The following GPR149 variants were observed in gnomAD, a reference collection of about 807,000 sequenced individuals.
The protein encoded by GPR149 is probable G protein-coupled receptor 149.
Under a neutral mutation model 50.2 loss-of-function variants are expected in GPR149, and 50 were observed. That is an observed-to-expected ratio of 1.00 (90% CI 0.79 to 1.26). The LOEUF is 1.26. Among genes scored for constraint, GPR149 ranks in the 50% most tolerant of loss-of-function variants. The pLI, the probability that GPR149 is intolerant of heterozygous loss-of-function variation, is 0.00. For missense variants in GPR149, 983 were observed against 895.4 expected (o/e 1.10, Z -1.25); for synonymous variants, 405 against 358.2 (o/e 1.13, Z -1.48).
At chr3:154,411,280 G>A (rs2108423778) in intron 3 of GPR149, among the ~76,000 whole-genome samples, 1 of 152,126 alleles carries the variant, frequency 6.6e-6, no homozygotes, top group Middle Eastern at 3.4e-3. Context: ...CACACCTCAT[G>A]GAACTGGTGA....
chr3:154,399,701 T>C (rs1470389371), intron 3 of GPR149, among the ~76,000 whole-genome samples: 1 of 152,202 alleles, frequency 6.6e-6, no homozygotes, highest in Admixed American at 6.5e-5. Context: ...TGTTAGAAGT[T>C]GAAGGCATGG....
In GPR149 at chr3:154,349,054, T is replaced by TA. The variant is rs557753019; in HGVS notation, c.1624-10784dup. ...GTTAAAAAGGTAGTCTTGAGGGAAATAAAAAAAAAAGTGAATGAAAATGAA... is the reference window on the plus strand; with the variant it reads ...GTTAAAAAGGTAGTCTTGAGGGAAATAAAAAAAAAAAGTGAATGAAAATGAA... On this transcript the variant is annotated intron_variant, in intron 3 of 3. Coordinates refer to ENST00000389740, the MANE Select transcript of GPR149 (RefSeq NM_001038705.3). 8.1e-3 allele frequency among the ~76,000 whole-genome samples: 1,167 copies of TA among 144,246 alleles called. 5 individuals carry two copies. Among genetic ancestry groups the TA allele is most frequent in the Non-Finnish European group, 0.014 (922 of 65,274 alleles). The allele number at this position is 144,246 out of a possible 152,430, so 94.6% of individuals were successfully genotyped here. A position where few individuals can be genotyped will look rare whatever the true frequency, so the allele number is the denominator to read the frequency against.
At chr3:154,416,653 A>G (rs1036677008) in intron 3 of GPR149, among the ~76,000 whole-genome samples, 2 of 151,948 alleles carry the variant, frequency 1.3e-5, no homozygotes, top group African/African-American at 4.8e-5. Context: ...GAGAGCTAAA[A>G]CATTTTCCTT....
At chr3:154,341,328 TATATATATATATAA>T (rs1302511900) in intron 3 of GPR149, among the ~76,000 whole-genome samples, 2 of 84,544 alleles carry the variant, frequency 2.4e-5, no homozygotes, top group African/African-American at 8.5e-5. Flanking sequence ...TATATATATA[TATATATATATATAA>T]AATGAGTAGG....
At chr3:154,385,531 T>G (rs1715026007) in intron 3 of GPR149, among the ~76,000 whole-genome samples, 1 of 152,148 alleles carries the variant, frequency 6.6e-6, no homozygotes, top group Admixed American at 6.5e-5. Flanking sequence ...AGGATGTTGA[T>G]TAGGCTTTTT....
chr3:154,399,356 C>T (rs1330358308), intron 3 of GPR149, among the ~76,000 whole-genome samples: 1 of 152,100 alleles, frequency 6.6e-6, no homozygotes, highest in Admixed American at 6.5e-5. Context: ...AAAAGTTAAA[C>T]TTTATGTAAT....
At chr3:154,359,827 A>G (rs1714338700) in intron 3 of GPR149, among the ~76,000 whole-genome samples, 1 of 152,202 alleles carries the variant, frequency 6.6e-6, no homozygotes, top group Non-Finnish European at 1.5e-5. Context: ...ATGGAAGAGA[A>G]AACCTAACTA....
At chr3:154,348,753 T>C (rs1713992589) in intron 3 of GPR149, among the ~76,000 whole-genome samples, 1 of 152,118 alleles carries the variant, frequency 6.6e-6, no homozygotes, top group African/African-American at 2.4e-5. Flanking sequence ...TAAGATCTAA[T>C]CAACATTTGT....
intron 3 of GPR149, among the ~76,000 whole-genome samples, chr3:154,390,645 G>C (rs1352574203): frequency 6.6e-6 from 1 of 152,026 alleles, no homozygotes; most frequent in South Asian, 2.1e-4. Flanking sequence ...GAGACAGAAA[G>C]CTTATTCAAA....
At chr3:154,352,421 C>A (rs1714102657) in intron 3 of GPR149, 2 of 904,496 alleles carry the variant, frequency 2.2e-6, no homozygotes, top group East Asian at 2.4e-5. Context: ...CTGCCTGTAA[C>A]CTTTCTGATT....
At chr3:154,357,661 G>A (rs1714272606) in intron 3 of GPR149, among the ~76,000 whole-genome samples, 1 of 152,190 alleles carries the variant, frequency 6.6e-6, no homozygotes, top group Admixed American at 6.5e-5. Context: ...AGAGGATGTG[G>A]AGAAATAGGA....
At chr3:154,347,965 G>A (rs537718856) in intron 3 of GPR149, among the ~76,000 whole-genome samples, 3 of 152,266 alleles carry the variant, frequency 2.0e-5, no homozygotes, top group Non-Finnish European at 4.4e-5. Context: ...CTGTGGAGTC[G>A]CATACACCTG....
chr3:154,373,449 A>G (rs1049738726), intron 3 of GPR149, among the ~76,000 whole-genome samples: 1 of 152,212 alleles, frequency 6.6e-6, no homozygotes, highest in African/African-American at 2.4e-5. Context: ...AAGCACTTGG[A>G]AGATTTTGAA....
chr3:154,344,549 G>C (rs1225475367), intron 3 of GPR149, among the ~76,000 whole-genome samples: 1 of 152,136 alleles, frequency 6.6e-6, no homozygotes, highest in African/African-American at 2.4e-5. Context: ...GGTTTTTGCA[G>C]GTGTAAGCAA....
chr3:154,398,515 C>T (rs1343224596), intron 3 of GPR149, among the ~76,000 whole-genome samples: 1 of 152,024 alleles, frequency 6.6e-6, no homozygotes, highest in Non-Finnish European at 1.5e-5. Context: ...TTTCTATTTG[C>T]ATCTGAATTG....
intron 3 of GPR149, among the ~76,000 whole-genome samples, chr3:154,395,799 T>C (rs2108415228): frequency 6.6e-6 from 1 of 152,276 alleles, no homozygotes; most frequent in Middle Eastern, 3.4e-3. Context: ...GGAGACCCTG[T>C]CTCAAACAAA....
At chr3:154,368,416 C>G (rs1714591649) in intron 3 of GPR149, among the ~76,000 whole-genome samples, 1 of 152,214 alleles carries the variant, frequency 6.6e-6, no homozygotes, top group Non-Finnish European at 1.5e-5. Flanking sequence ...GGCCAGTTCC[C>G]CACCATAGGG....
chr3:154,359,117 G>GT (rs556474899), intron 3 of GPR149, among the ~76,000 whole-genome samples: 75 of 151,090 alleles, frequency 5.0e-4, no homozygotes, highest in Admixed American at 3.6e-3. Flanking sequence ...TTTCTTCTCA[G>GT]TTTTTTTTTG....
chr3:154,346,345 A>G (rs1713924910), intron 3 of GPR149, among the ~76,000 whole-genome samples: 1 of 152,212 alleles, frequency 6.6e-6, no homozygotes, highest in Non-Finnish European at 1.5e-5. Context: ...ATGCAAAACT[A>G]TGTCGTTACT....
Sources: gnomAD v4.1 joint callset for allele counts (sites outside exome capture counted in the v4.1 genomes callset) on GRCh38, gnomAD v4.1.1 for gene constraint, MANE v1.5 for transcripts, NCBI Gene and HGNC (gene_info 2026-07-23, HGNC 2026-07-21) for gene names.